The following CCDC125 variants were observed in gnomAD, a reference collection of about 807,000 sequenced individuals.
CCDC125 encodes coiled-coil domain-containing protein 125.
CCDC125 carries 43 observed loss-of-function variants against 57.4 expected under a neutral mutation model. That is an observed-to-expected ratio of 0.75 (90% confidence interval 0.59 to 0.97). The LOEUF is 0.97. Among genes scored for constraint, CCDC125 ranks in the 50% least tolerant of loss-of-function variants. CCDC125 has a pLI of 0.00. For missense variants in CCDC125, 563 were observed against 595.7 expected, an observed-to-expected ratio of 0.95 and a Z score of 0.57; for synonymous variants, 187 against 195.2, an observed-to-expected ratio of 0.96 and a Z score of 0.35.
intron 4 of CCDC125, chr5:69,310,776 T>C (rs1758005117): frequency 6.2e-6 from 1 of 160,464 alleles, no homozygotes; most frequent in South Asian, 1.7e-4. Flanking sequence ...TTATATTAAA[T>C]AGAAAAGGCA....
chr5:69,313,581 C>A, intron 3 of CCDC125: 1 of 733,462 alleles, frequency 1.4e-6, no homozygotes, highest in Non-Finnish European at 2.5e-6. Flanking sequence ...ACACCAGGTC[C>A]TCCTTCTTGC....
intron 7 of CCDC125, among the ~76,000 whole-genome samples, chr5:69,303,060 C>T (rs1756751587): frequency 6.6e-6 from 1 of 152,120 alleles, no homozygotes; most frequent in African/African-American, 2.4e-5. Flanking sequence ...CGCTCTGTCA[C>T]CCAAGCTGCA....
intron 5 of CCDC125, chr5:69,307,638 C>A (rs1007264254): frequency 4.0e-6 from 1 of 252,714 alleles, no homozygotes; most frequent in Non-Finnish European, 7.7e-6. Flanking sequence ...GTAGAGATCG[C>A]GCCACTGCAC....
downstream of CCDC125, among the ~76,000 whole-genome samples, chr5:69,278,337 C>T (rs911793061): frequency 6.6e-6 from 1 of 151,466 alleles, no homozygotes; most frequent in Non-Finnish European, 1.5e-5. Context: ...TCCCAAGTAG[C>T]TGGGGTTACA....
In CCDC125 at chr5:69,320,464, C is replaced by T. The variant is rs748564252; in HGVS notation, c.77G>A (p.Gly26Asp). The change falls in exon 2 of 12, where the codon GGT (glycine) becomes GAT (aspartate). Residue 26 changes from glycine to aspartate, a missense_variant. Coordinates refer to ENST00000396496, the MANE Select transcript of CCDC125 (RefSeq NM_176816.5). ...CCTTCCGAGGCCATACCCTAAATCACCTTCTGTCATGTCATCCTCTTCTGT... is the reference window on the plus strand; with the variant it reads ...CCTTCCGAGGCCATACCCTAAATCATCTTCTGTCATGTCATCCTCTTCTGT... The part of the protein sequence containing the change: ...WETEEDDMTE[G>D]DLGYGLGRKP... 9 of 1,613,366 alleles carry T rather than the reference C, an allele frequency of 5.6e-6. 1 individual carries two copies. The highest frequency in any genetic ancestry group is 3.3e-4 in the Middle Eastern group (2 of 6,084).
intron 2 of CCDC125, among the ~76,000 whole-genome samples, chr5:69,314,550 T>C (rs1272090126): frequency 6.6e-6 from 1 of 152,124 alleles, no homozygotes; most frequent in Non-Finnish European, 1.5e-5. Context: ...ACTGTACTTT[T>C]GAATAAAAAA....
In CCDC125 at chr5:69,307,943, C is replaced by T. The variant is rs764711169; in HGVS notation, c.531+8G>A. On this transcript the variant is annotated splice_region_variant and intron_variant, in intron 5 of 11. Coordinates refer to ENST00000396496, the MANE Select transcript of CCDC125 (RefSeq NM_176816.5). The stretch of plus-strand genomic sequence containing the variant: ...ATTCAATAAGTCTACACTAAAAGCA[C>T]CAAATACCTTCTCCAAGGATCTGTT... The T allele has an allele frequency of 5.0e-6, 8 of 1,608,510 alleles. No individual in the cohort carries two copies. In the East Asian group the frequency reaches 1.6e-4, roughly 31 times the overall value.
chr5:69,328,729 T>C (rs1458815429), intron 1 of CCDC125, among the ~76,000 whole-genome samples: 2 of 152,164 alleles, frequency 1.3e-5, no homozygotes, highest in Non-Finnish European at 2.9e-5. Context: ...TATCTACAGC[T>C]GATTCTGTAC....
At chr5:69,321,998 G>A (rs1194411875) in intron 1 of CCDC125, among the ~76,000 whole-genome samples, 3 of 151,538 alleles carry the variant, frequency 2.0e-5, no homozygotes, top group East Asian at 1.9e-4. Context: ...CACCATGCCC[G>A]GCTAATTTTC....
chr5:69,325,758 A>ATGT (rs1285210263), intron 1 of CCDC125, among the ~76,000 whole-genome samples: 7 of 137,020 alleles, frequency 5.1e-5, no homozygotes. Context: ...CAGAAGGTGG[A>ATGT]TGTTGCGGTG....
chr5:69,325,420 C>T (rs538146146), intron 1 of CCDC125, among the ~76,000 whole-genome samples: 5 of 151,212 alleles, frequency 3.3e-5, no homozygotes, highest in African/African-American at 1.2e-4. Flanking sequence ...TATATTTATT[C>T]TTTACAAACA....
the CCDC125 span, chr5:69,273,086 C>G: frequency 7.8e-7 from 1 of 1,283,200 alleles, no homozygotes; most frequent in Non-Finnish European, 1.1e-6. Context: ...TAAAAATAAT[C>G]TTAACTGTAG....
At chr5:69,303,770 T>A in intron 7 of CCDC125, 77 bp downstream of exon 7, 1 of 821,074 alleles carries the variant, frequency 1.2e-6, no homozygotes, top group South Asian at 1.6e-5. Flanking sequence ...TCTATTATAC[T>A]TAATGTATAT....
At chr5:69,323,490 C>A (rs776656581) in intron 1 of CCDC125, among the ~76,000 whole-genome samples, 4 of 152,076 alleles carry the variant, frequency 2.6e-5, no homozygotes, top group African/African-American at 4.8e-5. Flanking sequence ...CTGAGTCCTG[C>A]AAATTCGTCT....
rs376678755 is a variant in CCDC125, at chr5:69,303,323, TACAGGC to T, written c.700+518_700+523del. 2.9e-3 allele frequency among the ~76,000 whole-genome samples: 435 copies of T among 151,582 alleles called. 3 individuals are homozygous for T. Among genetic ancestry groups the T allele is most frequent in the African/African-American group, 9.3e-3 (383 of 41,282 alleles). On this transcript the variant is annotated intron_variant, in intron 7 of 11. Transcript: ENST00000396496. Reference sequence around the variant, plus strand: ...CCTTGGCCTCCCAAAGTTCTGGGATTACAGGCATGAGTCACTGTGCCTGGCAAGAAT... The same window carrying T: ...CCTTGGCCTCCCAAAGTTCTGGGATTATGAGTCACTGTGCCTGGCAAGAAT...
At chr5:69,299,373 C>T (rs6888102) in intron 8 of CCDC125, among the ~76,000 whole-genome samples, 115,333 of 151,660 alleles carry the variant, frequency 0.76, 47,490 homozygotes, top group East Asian at 0.92. Flanking sequence ...CTTCCCAAAG[C>T]GCTGGGATTA....
At chr5:69,315,774 A>AG (rs1554082514) in intron 2 of CCDC125, among the ~76,000 whole-genome samples, 54 of 141,484 alleles carry the variant, frequency 3.8e-4, no homozygotes, top group East Asian at 8.2e-4. Context: ...AAAAAAAAAA[A>AG]AAAAGAAACC....
chr5:69,290,136 C>A (rs1445353605), intron 10 of CCDC125, among the ~76,000 whole-genome samples: 1 of 152,002 alleles, frequency 6.6e-6, no homozygotes, highest in African/African-American at 2.4e-5. Flanking sequence ...TGCATCACTT[C>A]TTACCCTTTT....
chr5:69,299,927 T>A, intron 8 of CCDC125, 85 bp downstream of exon 8: 1 of 1,070,716 alleles, frequency 9.3e-7, no homozygotes, highest in Non-Finnish European at 1.4e-6. Flanking sequence ...TGTGCTATCC[T>A]ACAATGTGTA....
Sources: allele counts gnomAD v4.1 joint callset (sites outside exome capture counted in the v4.1 genomes callset), GRCh38; gene constraint gnomAD v4.1.1; transcripts MANE v1.5; gene names NCBI Gene and HGNC (gene_info 2026-07-23, HGNC 2026-07-21).